Variants in WDR87 observed in about 807,000 individuals in gnomAD.
WDR87 encodes the protein WD repeat-containing protein 87.
Under a neutral mutation model 83.3 loss-of-function variants are expected in WDR87, and 56 were observed. The observed-to-expected ratio is 0.67, with a 90% confidence interval of 0.54 to 0.84. The LOEUF (loss-of-function observed/expected upper bound fraction) is 0.84. Ranked by LOEUF, WDR87 falls within the 40% of genes least tolerant of loss-of-function variation. The pLI is 0.00. For synonymous variants in WDR87, 1,173 were observed against 1,250.6 expected, an observed-to-expected ratio of 0.94 and a Z score of 1.31; for missense variants, 2,939 against 3,431.9, an observed-to-expected ratio of 0.86 and a Z score of 3.59.
chr19:37,890,229 T>C lies in WDR87; in HGVS notation c.3442A>G (p.Lys1148Glu), dbSNP rs1434195736. The change falls in exon 6 of 6, where the codon AAA (lysine) becomes GAA (glutamate). Residue 1148 changes from lysine (K) to glutamate (E), a missense_variant. Coordinates refer to ENST00000447313, the MANE Select transcript of WDR87 (RefSeq NM_001291088.2). Reference protein sequence around the residue: ...GLKKTKERDSKQMSTEPGLLE... With the variant: ...GLKKTKERDSEQMSTEPGLLE... ...AGGCCTGGCTCTGTGCTCATCTGTT[T>C]AGAGTCTCTCTCTTTCGTCTTCTTG... 1.3e-6 allele frequency: 2 copies of C among 1,548,154 alleles called. No individual in the cohort carries two copies. Among genetic ancestry groups the C allele is most frequent in the African/African-American group, 1.4e-5 (1 of 73,072 alleles).
At chr19:37,895,588 T>C in intron 3 of WDR87, 132 bp from the exon 4 acceptor site, 1 of 743,962 alleles carries the variant, frequency 1.3e-6, no homozygotes, top group Non-Finnish European at 2.1e-6. Flanking sequence ...GCCAACATGG[T>C]GAAACCCCAT....
chr19:37,886,249 T>A lies in WDR87; in HGVS notation c.7422A>T (p.Lys2474Asn), dbSNP rs2046143815. 1 of 1,551,750 alleles carries A rather than the reference T, an allele frequency of 6.4e-7. No homozygotes were observed. Among genetic ancestry groups the A allele is most frequent in the Non-Finnish European group, 8.7e-7 (1 of 1,147,006 alleles). Residue 2474 changes from lysine to asparagine, a missense_variant, in exon 6 of 6, where the codon AAA becomes AAT. This residue lies in a region of WDR87 where 2,160 missense variants were observed against 2,533.1 expected (regional missense o/e 0.85). Coordinates refer to ENST00000447313, the MANE Select transcript of WDR87 (RefSeq NM_001291088.2). ...CATATTTTCCCATCACTTCTCTTTC[T>A]TTATCCATTGTCCCTAAGAATTTCC... Reference protein sequence around the residue: ...IPRKFLGTMDKEREVMGKYEP... With the variant: ...IPRKFLGTMDNEREVMGKYEP...
In WDR87 at chr19:37,894,962, G is replaced by T. The variant is rs746990988; in HGVS notation, c.741C>A (p.Cys247Ter). Residue 247 changes from cysteine to a stop codon, truncating the protein, a stop_gained, in exon 4 of 6, where the codon TGC (cysteine) becomes TGA (stop). Coordinates refer to ENST00000447313, the MANE Select transcript of WDR87 (RefSeq NM_001291088.2). LOFTEE classifies it high-confidence loss of function. ...STSSGSSITCCFTCFDQGFLY... is the reference protein window; with the variant it reads ...STSSGSSITC The stretch of plus-strand genomic sequence containing the variant: ...GAAAGCCCTGATCAAAACAGGTGAA[G>T]CAGCAGGTGATGGAGGAGCCGCTGC... The T allele has an allele frequency of 5.8e-6, 9 of 1,551,408 alleles. No individual in the cohort carries two copies. The highest frequency in any genetic ancestry group is 7.8e-6 in the Non-Finnish European group (9 of 1,146,928).
At chr19:37,904,853 A>C (rs1229104366) in intron 1 of WDR87, among the ~76,000 whole-genome samples, 1 of 152,124 alleles carries the variant, frequency 6.6e-6, no homozygotes. Context: ...GTAGTTTCCA[A>C]CCTTTTGCTA....
chr19:37,890,996 G>C (rs2046200139), intron 5 of WDR87, among the ~76,000 whole-genome samples: 1 of 152,048 alleles, frequency 6.6e-6, no homozygotes, highest in South Asian at 2.1e-4. Context: ...AAACGTGCAG[G>C]TTTGTTACAT....
intron 1 of WDR87, among the ~76,000 whole-genome samples, chr19:37,900,359 A>C (rs889457541): frequency 6.6e-6 from 1 of 151,868 alleles, no homozygotes; most frequent in Non-Finnish European, 1.5e-5. Flanking sequence ...CAGGAGTTCA[A>C]GAACCAGCCT....
chr19:37,885,093 A>G lies in WDR87; in HGVS notation c.8578T>C (p.Phe2860Leu). Residue 2860 changes from phenylalanine to leucine, a missense_variant, in exon 6 of 6, where the codon TTC (phenylalanine) becomes CTC (leucine). Transcript: ENST00000447313. ...CATGGGAGGGGTACCGCACCCTGGA[A>G]CTCCTGAGGACTTCTAGGAGTATGA... ...SSHTPRSPQE[F>L]QGAVPLPWQN... 4.8e-6 allele frequency: 7 copies of G among 1,462,132 alleles called. No individual in the cohort carries two copies. The South Asian group carries it at 1.0e-4, about 22-fold the overall frequency. The allele number at this position is 1,462,132 out of a possible 1,614,324, so 90.6% of individuals were successfully genotyped here.
At chr19:37,895,781 AAAAAAAAGATG>A (rs1483577466) in intron 3 of WDR87, among the ~76,000 whole-genome samples, 1 of 151,904 alleles carries the variant, frequency 6.6e-6, no homozygotes, top group Non-Finnish European at 1.5e-5. Context: ...AAAAAAAAAA[AAAAAAAAGATG>A]AAACTGCCTA....
chr19:37,904,009 C>T (rs1258329208), intron 1 of WDR87, among the ~76,000 whole-genome samples: 1 of 150,990 alleles, frequency 6.6e-6, no homozygotes. Flanking sequence ...CCCAGGTTCA[C>T]GCCGTTTTCC....
chr19:37,894,823 C>T lies in WDR87; in HGVS notation c.880G>A (p.Glu294Lys). 1 of 1,551,748 alleles carries T rather than the reference C, an allele frequency of 6.4e-7. No homozygotes were observed. The change falls in exon 4 of 6, where the codon GAG becomes AAG. Residue 294 changes from glutamate (E) to lysine (K), a missense_variant. Glu to Lys is a moderately conservative substitution (Grantham distance 56). Coordinates refer to ENST00000447313, the MANE Select transcript of WDR87 (RefSeq NM_001291088.2). ...CCAGCTGTTAGCAGGGTGTGGGCCT[C>T]TGGTCGGCTGCGGATACAGATCACT... ...SGVICIRSRP[E>K]AHTLLTAGSD... is the part of the protein sequence containing the mutation.
At chr19:37,902,800 C>T (rs1031452315) in intron 1 of WDR87, among the ~76,000 whole-genome samples, 2 of 152,160 alleles carry the variant, frequency 1.3e-5, no homozygotes, top group African/African-American at 4.8e-5. Context: ...CTCCACGACA[C>T]GGTCAGGCCC....
intron 2 of WDR87, among the ~76,000 whole-genome samples, chr19:37,896,856 G>A (rs1482910293): frequency 2.0e-5 from 3 of 152,152 alleles, no homozygotes; most frequent in African/African-American, 7.2e-5. Context: ...CAGACCTCAG[G>A]TAATCCGCCC....
Position 37,885,764 on chromosome 19 carries a change from T to G in WDR87, c.7907A>C (p.Lys2636Thr). 1 of 1,551,722 alleles carries G rather than the reference T, an allele frequency of 6.4e-7. No homozygotes were observed. Among genetic ancestry groups the G allele is most frequent in the Non-Finnish European group, 8.7e-7 (1 of 1,146,992 alleles). The change falls in exon 6 of 6, where the codon AAA (lysine) becomes ACA (threonine). Residue 2636 changes from lysine (K) to threonine (T), a missense_variant. Lys to Thr is a moderately conservative substitution (Grantham distance 78, BLOSUM62 -1). Coordinates refer to ENST00000447313, the MANE Select transcript of WDR87 (RefSeq NM_001291088.2). The stretch of plus-strand genomic sequence containing the variant: ...TATAGGAGGAATCACTTTCAGGTAT[T>G]TTGGACTCATGGACTGTCTACTTGA... ...RISSRQSMSP[K>T]YLKVIPPIKA...
Position 37,895,308 on chromosome 19 carries a change from A to C in WDR87, c.395T>G (p.Leu132Arg). The C allele has an allele frequency of 6.4e-7, 1 of 1,551,728 alleles. No individual in the cohort carries two copies. Among genetic ancestry groups the C allele is most frequent in the Non-Finnish European group, 8.7e-7 (1 of 1,147,008 alleles). Reference sequence around the variant, plus strand: ...GAATGCCCGAAAGTGGTCCCCAAAGAGTCGCAGGATCAGGTCACCACAGTA... The same window carrying C: ...GAATGCCCGAAAGTGGTCCCCAAAGCGTCGCAGGATCAGGTCACCACAGTA... ...VVYCGDLILR[L>R]FGDHFRAFKP... Residue 132 changes from leucine to arginine, a missense_variant, in exon 4 of 6, where the codon CTC becomes CGC. Physicochemically the swap from Leu to Arg is moderately radical, Grantham distance 102. This residue lies in a region of WDR87 where 226 missense variants were observed against 320.9 expected (regional missense o/e 0.70). Transcript: ENST00000447313.
At position 37,893,043 on chromosome 19, in the gene WDR87, AG is replaced by A. The variant is rs34452998; in HGVS notation, c.2659del (p.Leu887Ter). The A allele has an allele frequency of 1.3e-6, 2 of 1,551,726 alleles. No individual in the cohort carries two copies. The highest frequency in any genetic ancestry group is 1.7e-6 in the Non-Finnish European group (2 of 1,146,986). On this transcript the variant is annotated frameshift_variant, in exon 4 of 6. Transcript: ENST00000447313. LOFTEE classifies it high-confidence loss of function. The part of the protein sequence containing the change: ...PKNKEEDEHF[L>X]EMRLSKDVTY... Reference sequence around the variant, plus strand: ...TACATCCTTGGAAAGTCTCATTTCTAGGAAGTGTTCATCCTCCTCCTTATTC... The same window carrying A: ...TACATCCTTGGAAAGTCTCATTTCTAGAAGTGTTCATCCTCCTCCTTATTC...
chr19:37,894,732 C>A lies in WDR87; in HGVS notation c.971G>T (p.Gly324Val), dbSNP rs1385942686. ...SGSLLRRLELGEELYRLQFID... is the reference protein window; with the variant it reads ...SGSLLRRLELVEELYRLQFID... ...AAACTGGAGCCGGTATAGCTCCTCA[C>A]CAAGCTCTAGCCGCCGAAGCAGGCT... The change falls in exon 4 of 6, where the codon GGT becomes GTT. Residue 324 changes from glycine to valine, a missense_variant. Gly to Val is a moderately radical substitution (Grantham distance 109, BLOSUM62 -3). Coordinates refer to ENST00000447313, the MANE Select transcript of WDR87 (RefSeq NM_001291088.2). The A allele has an allele frequency of 2.6e-6, 4 of 1,551,714 alleles. No homozygotes were observed. The South Asian group carries it at 4.8e-5, about 18-fold the overall frequency.
rs537462593 is a variant in WDR87 at position 37,905,453 on chromosome 19, GA to G, written c.-47+1045del. On this transcript the variant is annotated intron_variant, in intron 1 of 5. Transcript: ENST00000447313. Reference sequence around the variant, plus strand: ...AATACCAGCCTGGGCAACATAGCAAGAAAAAAAAAAGTAAATAATAATGATA... The same window carrying G: ...AATACCAGCCTGGGCAACATAGCAAGAAAAAAAAAGTAAATAATAATGATA... Among the ~76,000 whole-genome samples the G allele has an allele frequency of 9.2e-3, 1,065 of 115,836 alleles. 11 individuals are homozygous for G. Among genetic ancestry groups the G allele is most frequent in the Non-Finnish European group, 0.01 (641 of 61,386 alleles). 76.0% of individuals were successfully genotyped at this position (115,836 alleles called of 152,430 possible).
intron 2 of WDR87, 126 bp from the exon 3 acceptor site, chr19:37,896,434 C>T: frequency 1.1e-6 from 1 of 940,202 alleles, no homozygotes; most frequent in Non-Finnish European, 1.5e-6. Context: ...ACTCCTGTTA[C>T]ACTCACACGT....
In WDR87 at chr19:37,899,718, G is replaced by A. The variant is rs1042604942; in HGVS notation, c.-46-1433C>T. ...CTACCTTGGCCTCCCCAAATGCTGG[G>A]ATTTCGGGCATGAGCCACCACACCT... On this transcript the variant is annotated intron_variant, in intron 1 of 5. Transcript: ENST00000447313. Among the ~76,000 whole-genome samples, 5 of 152,170 alleles carry A rather than the reference G, an allele frequency of 3.3e-5. No individual in the cohort carries two copies. In the South Asian group the frequency reaches 1.0e-3, roughly 32 times the overall value.
Sources: gnomAD v4.1 joint callset for allele counts (sites outside exome capture counted in the v4.1 genomes callset) on GRCh38, gnomAD v4.1.1 for gene constraint, gnomAD v4.1.1 regional missense constraint, MANE v1.5 for transcripts, NCBI Gene and HGNC (gene_info 2026-07-23, HGNC 2026-07-21) for gene names.